Variants in SOD2 observed in about 807,000 individuals in gnomAD.
The protein encoded by SOD2 is superoxide dismutase [Mn], mitochondrial.
In SOD2, 11 loss-of-function variants were observed where a neutral mutation model predicts 27.0. The ratio of observed to expected loss-of-function variants is 0.41; its 90% confidence interval spans 0.26 to 0.67. The LOEUF (loss-of-function observed/expected upper bound fraction) is 0.67, where lower values mean the gene tolerates loss of function less well. Among genes scored for constraint, SOD2 ranks in the 30% least tolerant of loss-of-function variants. The pLI is 0.34. For missense variants in SOD2, 250 were observed against 274.5 expected, an observed-to-expected ratio of 0.91 and a Z score of 0.63; for synonymous variants, 105 against 103.0, an observed-to-expected ratio of 1.02 and a Z score of -0.12.
chr6:159,669,676 A>G lies in SOD2; in HGVS notation c.*12817T>C, dbSNP rs558341556. 1.7e-4 allele frequency: 26 copies of G among 152,312 alleles called. No individual in the cohort carries two copies. The highest frequency in any genetic ancestry group is 6.3e-4 in the African/African-American group (26 of 41,578). The allele number at this position is 152,312 out of a possible 1,614,324, so 9.4% of individuals were successfully genotyped here. ...TTTCTTAATAAAAAAATATGATTAT[A>G]TCTTGCATGAATTGATCCTTGTTTC... On this transcript the variant is annotated 3_prime_UTR_variant, in exon 5 of 5. Transcript: ENST00000538183.
chr6:159,687,466 CTG>C (rs1780244485), intron 3 of SOD2, among the ~76,000 whole-genome samples: 1 of 147,362 alleles, frequency 6.8e-6, no homozygotes, highest in South Asian at 2.2e-4. Context: ...GCCTGGGCGA[CTG>C]TAAGACTCCG....
rs771709820 is a variant in SOD2, at chr6:159,755,598, G to A, written c.-336+5439C>T. The stretch of plus-strand genomic sequence containing the variant: ...TTGGACTCAAGTGTAAATGTACAGG[G>A]TTCAGTTTTGTAATATTTTTTCAGC... On this transcript the variant is annotated intron_variant, in intron 1 of 7. Coordinates refer to the SOD2 transcript ENST00000546087. The A allele has an allele frequency of 1.4e-5, 23 of 1,599,986 alleles. No homozygotes were observed. The South Asian group carries it at 2.5e-4, about 17-fold the overall frequency.
At position 159,670,561 on chromosome 6, in the gene SOD2, T is replaced by C. The variant is rs1304896733; in HGVS notation, c.*11932A>G. ...AATATCAATATCCATTTATCCTCTA[T>C]AATCATAGTCAATACACAGAGAAAA... On this transcript the variant is annotated 3_prime_UTR_variant, in exon 5 of 5. Coordinates refer to ENST00000538183, the MANE Select transcript of SOD2 (RefSeq NM_000636.4). 6.6e-6 allele frequency: 1 copy of C among 152,244 alleles called. No individual in the cohort carries two copies. Among genetic ancestry groups the C allele is most frequent in the African/African-American group, 2.4e-5 (1 of 41,436 alleles). 9.4% of individuals were successfully genotyped at this position (152,244 alleles called of 1,614,324 possible). A position where few individuals can be genotyped will look rare whatever the true frequency, so the allele number is the denominator to read the frequency against.
At chr6:159,707,358 A>G (rs1777646877) in intron 1 of SOD2, among the ~76,000 whole-genome samples, 2 of 152,164 alleles carry the variant, frequency 1.3e-5, no homozygotes, top group Admixed American at 1.3e-4. Flanking sequence ...ATCACAATTG[A>G]TAGACCACTA....
rs1218442192 is a variant in SOD2, at chr6:159,677,542, G to A, written c.*4951C>T. 6.6e-6 allele frequency: 1 copy of A among 152,136 alleles called. No homozygotes were observed. Among genetic ancestry groups the A allele is most frequent in the African/African-American group, 2.4e-5 (1 of 41,416 alleles). The allele number at this position is 152,136 out of a possible 1,614,324, so 9.4% of individuals were successfully genotyped here. On this transcript the variant is annotated 3_prime_UTR_variant, in exon 5 of 5. Transcript: ENST00000538183. ...GAGTAAAATATCACCAGAACTTTAT[G>A]TAAAATACATCTTGTAAAAGTATGA...
chr6:159,719,784 C>T (rs1777995762), intron 1 of SOD2, among the ~76,000 whole-genome samples: 1 of 148,414 alleles, frequency 6.7e-6, no homozygotes, highest in African/African-American at 2.5e-5. Flanking sequence ...AGTGCAGTCA[C>T]GCGATCTTGG....
intron 1 of SOD2, among the ~76,000 whole-genome samples, chr6:159,703,825 C>A (rs969302981): frequency 2.6e-5 from 4 of 152,186 alleles, no homozygotes; most frequent in African/African-American, 9.7e-5. Context: ...TTGAAGAAAG[C>A]TGAAAATTGT....
At chr6:159,729,587 A>ATT (rs1169273745), upstream of SOD2, among the ~76,000 whole-genome samples, 1 of 152,128 alleles carries the variant, frequency 6.6e-6, no homozygotes, top group Non-Finnish European at 1.5e-5. Flanking sequence ...AATCTATAGC[A>ATT]TTTTTATTGT....
chr6:159,724,194 G>GT (rs1246238790), intron 1 of SOD2, among the ~76,000 whole-genome samples: 1 of 149,884 alleles, frequency 6.7e-6, no homozygotes, highest in Non-Finnish European at 1.5e-5. Context: ...GTCTTGCTAT[G>GT]TTGCCCAGGC....
intron 1 of SOD2, chr6:159,755,193 A>T (rs1373174684): frequency 1.2e-6 from 2 of 1,614,182 alleles, no homozygotes; most frequent in Non-Finnish European, 1.7e-6. Context: ...ACAGCTTCTG[A>T]ACCTGTAGAA....
At chr6:159,721,243 A>G (rs1473279713) in intron 1 of SOD2, among the ~76,000 whole-genome samples, 1 of 149,706 alleles carries the variant, frequency 6.7e-6, no homozygotes, top group East Asian at 2.0e-4. Flanking sequence ...AATTTTTTGT[A>G]TTTTTAGTAG....
intron 1 of SOD2, among the ~76,000 whole-genome samples, chr6:159,756,930 C>G (rs1475122): frequency 0.29 from 44,651 of 151,862 alleles, 7,392 homozygotes; most frequent in African/African-American, 0.45. Context: ...TGAAAAGCAG[C>G]GTTGGTTTTT....
rs1779918694 is a variant in SOD2, at chr6:159,680,814, T to C, written c.*1679A>G. ...AGCCAGGCATGGTAGCATGCACCTG[T>C]AATCCCAGCTATTCAGGAGGCTGAG... On this transcript the variant is annotated 3_prime_UTR_variant, in exon 5 of 5. Transcript: ENST00000538183. 1 of 151,718 alleles carries C rather than the reference T, an allele frequency of 6.6e-6. No homozygotes were observed. The highest frequency in any genetic ancestry group is 2.4e-5 in the African/African-American group (1 of 41,258). The allele number at this position is 151,718 out of a possible 1,614,324, so 9.4% of individuals were successfully genotyped here.
At chr6:159,742,246 C>T (rs780201614) in intron 1 of SOD2, 6 of 1,053,290 alleles carry the variant, frequency 5.7e-6, no homozygotes, top group Middle Eastern at 3.1e-4. Context: ...TAATTTTTCT[C>T]GTGTTTTATT....
rs1404656668 is a variant in SOD2, at chr6:159,681,754, T to TAGC, written c.*738_*739insGCT. The TAGC allele has an allele frequency of 0.021, 3,262 of 152,364 alleles. 75 individuals are homozygous for TAGC. The highest frequency in any genetic ancestry group is 0.051 in the African/African-American group (2,115 of 41,568). 9.4% of individuals were successfully genotyped at this position (152,364 alleles called of 1,614,324 possible). A position where few individuals can be genotyped will look rare whatever the true frequency, so the allele number is the denominator to read the frequency against. On this transcript the variant is annotated 3_prime_UTR_variant, in exon 5 of 5. Transcript: ENST00000538183. The stretch of plus-strand genomic sequence containing the variant: ...TGCTTTCCTGAAATTTACCACTGCC[T>TAGC]TTAAATACTCTAGCTTGTAGGTCAT...
chr6:159,754,423 C>T (rs946705725), intron 1 of SOD2, among the ~76,000 whole-genome samples: 1 of 152,104 alleles, frequency 6.6e-6, no homozygotes, highest in Non-Finnish European at 1.5e-5. Flanking sequence ...AGGGGATTGG[C>T]CATAGTGGGC....
intron 1 of SOD2, among the ~76,000 whole-genome samples, chr6:159,754,787 C>G (rs9365093): frequency 0.78 from 118,004 of 152,032 alleles, 46,082 homozygotes; most frequent in South Asian, 0.85. Flanking sequence ...TCTACAGTTG[C>G]TTGAATTCAT....
intron 1 of SOD2, chr6:159,755,378 A>G: frequency 6.2e-7 from 1 of 1,614,210 alleles, no homozygotes. Flanking sequence ...CTCAGAGGAG[A>G]GAACTGGCAG....
chr6:159,738,356 T>G (rs1248738829), intron 1 of SOD2, among the ~76,000 whole-genome samples: 2 of 152,208 alleles, frequency 1.3e-5, no homozygotes, highest in Non-Finnish European at 2.9e-5. Flanking sequence ...GAGACTATTT[T>G]TTTTCCTTCC....
Sources: gnomAD v4.1 joint callset for allele counts (sites outside exome capture counted in the v4.1 genomes callset) on GRCh38, gnomAD v4.1.1 for gene constraint, MANE v1.5 for transcripts, NCBI Gene and HGNC (gene_info 2026-07-23, HGNC 2026-07-21) for gene names.